The following MBD3 variants were observed in gnomAD, a reference collection of about 807,000 sequenced individuals.
MBD3 encodes the protein methyl-CpG-binding domain protein 3.
In MBD3, 13 loss-of-function variants were observed where a neutral mutation model predicts 31.2. That is an observed-to-expected ratio of 0.42 (90% CI 0.27 to 0.66). MBD3 has a LOEUF of 0.66. Among genes scored for constraint, MBD3 ranks in the 30% least tolerant of loss-of-function variants. The pLI is 0.26. For synonymous variants in MBD3, 223 were observed against 187.4 expected, an observed-to-expected ratio of 1.19 and a Z score of -1.55; for missense variants, 440 against 426.5, an observed-to-expected ratio of 1.03 and a Z score of -0.28.
intron 1 of MBD3, among the ~76,000 whole-genome samples, chr19:1,590,118 C>T (rs1047840366): frequency 2.0e-5 from 3 of 149,156 alleles, no homozygotes; most frequent in African/African-American, 5.0e-5. Flanking sequence ...GCCAACATGG[C>T]GAAACCCCTT....
rs752693057 is a variant in MBD3 at position 1,592,598 on chromosome 19, G to A, written c.34C>T (p.Pro12Ser). 5 of 1,409,688 alleles carry A rather than the reference G, an allele frequency of 3.5e-6. No homozygotes were observed. In the African/African-American group the frequency reaches 6.1e-5, roughly 17 times the overall value. The allele number at this position is 1,409,688 out of a possible 1,614,324, so 87.3% of individuals were successfully genotyped here. ...ACTTCTTCCCTCTCCCAGCCCTGCGGGAGCGCCGGGCACTCCCACCTCTTC... is the reference window on the plus strand; with the variant it reads ...ACTTCTTCCCTCTCCCAGCCCTGCGAGAGCGCCGGGCACTCCCACCTCTTC... ...ERKRWECPALPQGWEREEVPR... is the reference protein window; with the variant it reads ...ERKRWECPALSQGWEREEVPR... Residue 12 changes from proline (P) to serine (S), a missense_variant, in exon 1 of 7, where the codon CCG becomes TCG. By Grantham distance (74) the Pro-to-Ser change is moderately conservative (BLOSUM62 -1). Around this residue, in one of 3 missense-constraint regions of MBD3, gnomAD observed 179 missense variants for 134.7 expected, o/e 1.33. Transcript: ENST00000434436.
At chr19:1,581,000 G>A (rs1917339432) in intron 5 of MBD3, 92 bp downstream of exon 5, 1 of 1,486,204 alleles carries the variant, frequency 6.7e-7, no homozygotes, top group South Asian at 1.2e-5. Context: ...ATCGTGGGGA[G>A]ACGGGAAGCA....
In MBD3 at chr19:1,585,056, T is replaced by C; in HGVS notation, c.269A>G (p.Lys90Arg). ...CACCTGCGTGACGCCACCACTCACCTTGACCTGGTTGGAGGAGTCGTAGCG... is the reference window on the plus strand; with the variant it reads ...CACCTGCGTGACGCCACCACTCACCCTGACCTGGTTGGAGGAGTCGTAGCG... ...RVRYDSSNQV[K>R]GKPDLNTALP... The change falls in exon 2 of 7, where the codon AAG becomes AGG. Residue 90 changes from lysine to arginine, a missense_variant and splice_region_variant. Lys to Arg is a conservative substitution (Grantham distance 26, BLOSUM62 2). This residue lies in a region of MBD3 where 179 missense variants were observed against 134.7 expected (regional missense o/e 1.33). Coordinates refer to ENST00000434436, the MANE Select transcript of MBD3 (RefSeq NM_001281453.2). This position sits in a 1 kb window ranked among gnomAD's most constrained non-coding sequence, Gnocchi z 4.1. The C allele has an allele frequency of 2.5e-6, 4 of 1,611,548 alleles. No individual in the cohort carries two copies. The highest frequency in any genetic ancestry group is 3.4e-6 in the Non-Finnish European group (4 of 1,179,278).
chr19:1,581,642 G>A (rs968929931), intron 4 of MBD3: 1 of 358,400 alleles, frequency 2.8e-6, no homozygotes, highest in Non-Finnish European at 5.4e-6. Context: ...CTACTCAGGA[G>A]GCTGTGCTGA....
intron 3 of MBD3, among the ~76,000 whole-genome samples, chr19:1,583,966 C>T (rs576888654): frequency 3.3e-5 from 5 of 152,032 alleles, no homozygotes; most frequent in East Asian, 1.9e-4. Flanking sequence ...GGATTACAGG[C>T]GCACACCACC....
rs2060676747 is a variant in MBD3, at chr19:1,585,834, C to T, written c.111-620G>A. On this transcript the variant is annotated intron_variant, in intron 1 of 6. Coordinates refer to ENST00000434436, the MANE Select transcript of MBD3 (RefSeq NM_001281453.2). The surrounding 1 kb of genome is among the most constrained non-coding windows in gnomAD (Gnocchi z 4.1). ...GGGGTCTCGTTCTAAGATCTGGGGC[C>T]AGGCCCTAACAGCTGCTTGGGCATA... is the stretch of plus-strand genomic sequence containing the variant. The T allele has an allele frequency of 6.4e-6, 1 of 155,354 alleles. No homozygotes were observed. The highest frequency in any genetic ancestry group is 1.4e-5 in the Non-Finnish European group (1 of 70,112). The allele number at this position is 155,354 out of a possible 1,614,324, so 9.6% of individuals were successfully genotyped here. A position where few individuals can be genotyped will look rare whatever the true frequency, so the allele number is the denominator to read the frequency against.
chr19:1,592,379 GCACACGCACGCAAGACGCA>G (rs1423711007), intron 1 of MBD3, 124 bp downstream of exon 1: 5 of 192,774 alleles, frequency 2.6e-5, no homozygotes, highest in Non-Finnish European at 4.1e-5. Flanking sequence ...CGCGCCGGGC[GCACACGCACGCAAGACGCA>G]CGCACGCACG....
intron 5 of MBD3, among the ~76,000 whole-genome samples, chr19:1,580,251 C>A (rs575817482): frequency 1.3e-5 from 2 of 152,170 alleles, no homozygotes; most frequent in Non-Finnish European, 2.9e-5. Flanking sequence ...AGGAGGATGC[C>A]GCCAGCCGCT....
At chr19:1,579,181 CAAAAAAAAAAAAAAAAA>C (rs57070800) in intron 5 of MBD3, among the ~76,000 whole-genome samples, 1 of 21,496 alleles carries the variant, frequency 4.7e-5, no homozygotes, top group African/African-American at 2.0e-4. Context: ...CAGATTCTGC[CAAAAAAAAAAAAAAAAA>C]AAAAAAAAAA....
chr19:1,592,170 G>C (rs574992170), intron 1 of MBD3: 41 of 152,470 alleles, frequency 2.7e-4, no homozygotes, highest in African/African-American at 8.4e-4. Context: ...GCCCCAAGAA[G>C]GCACCCCCTG....
At chr19:1,589,379 G>A (rs1354814250) in intron 1 of MBD3, among the ~76,000 whole-genome samples, 4 of 146,438 alleles carry the variant, frequency 2.7e-5, no homozygotes, top group African/African-American at 7.5e-5. Context: ...GAAGGCAGGC[G>A]CAGTGGCTTT....
In MBD3 at chr19:1,588,799, A is replaced by AAAAT. The variant is rs1194111001; in HGVS notation, c.111-3586_111-3585insATTT. On this transcript the variant is annotated intron_variant, in intron 1 of 6. Transcript: ENST00000434436. ...GTCTCCAAAAAAAAAAAAAAAAAAA[A>AAAAT]AAGGTGTAAGGCGAACAAGAGACAC... Among the ~76,000 whole-genome samples, 104 of 151,360 alleles carry AAAAT rather than the reference A, an allele frequency of 6.9e-4. 1 individual carries two copies. Among genetic ancestry groups the AAAAT allele is most frequent in the African/African-American group, 2.4e-3 (100 of 41,204 alleles).
chr19:1,586,997 G>A (rs1251410243), intron 1 of MBD3, among the ~76,000 whole-genome samples: 91 of 140,652 alleles, frequency 6.5e-4, no homozygotes, highest in Non-Finnish European at 1.1e-3. Context: ...ACGGAGTCTC[G>A]CTCTGTCACC....
At position 1,584,419 on chromosome 19, in the gene MBD3, G is replaced by C. The variant is rs1005763494; in HGVS notation, c.408+121C>G. 5.2e-5 allele frequency: 75 copies of C among 1,454,034 alleles called. No individual in the cohort carries two copies. In the Admixed American group the frequency reaches 1.2e-3, roughly 24 times the overall value. 90.1% of individuals were successfully genotyped at this position (1,454,034 alleles called of 1,614,324 possible). A position where few individuals can be genotyped will look rare whatever the true frequency, so the allele number is the denominator to read the frequency against. Reference sequence around the variant, plus strand: ...GTTTTTTGCCTCGTCATGTTGCCCAGGCTAGCCTGGAACTCCTGCGCTCAC... The same window carrying C: ...GTTTTTTGCCTCGTCATGTTGCCCACGCTAGCCTGGAACTCCTGCGCTCAC... On this transcript the variant is annotated intron_variant, in intron 3 of 6. Coordinates refer to ENST00000434436, the MANE Select transcript of MBD3 (RefSeq NM_001281453.2).
Position 1,584,681 on chromosome 19 carries a change from C to T in MBD3, c.271-4G>A, listed in dbSNP as rs755052894. The T allele has an allele frequency of 3.1e-5, 50 of 1,610,202 alleles. No homozygotes were observed. The highest frequency in any genetic ancestry group is 4.2e-5 in the Non-Finnish European group (49 of 1,179,468). On this transcript the variant is annotated splice_region_variant and splice_polypyrimidine_tract_variant and intron_variant, in intron 2 of 6. Coordinates refer to ENST00000434436, the MANE Select transcript of MBD3 (RefSeq NM_001281453.2). ...CCGTGTTCAGGTCGGGCTTGCCCTG[C>T]GGGAGGAAGGATATGCAGTCCGGCC...
chr19:1,582,800 G>T (rs1243756936), intron 3 of MBD3, 88 bp from the exon 4 acceptor site: 17 of 1,194,634 alleles, frequency 1.4e-5, no homozygotes, highest in Admixed American at 2.0e-5. Context: ...GGCCCACCTG[G>T]CCTCCTTGCC....
chr19:1,583,123 G>C (rs1015560719), intron 3 of MBD3: 3 of 219,730 alleles, frequency 1.4e-5, no homozygotes, highest in African/African-American at 6.9e-5. Flanking sequence ...AGAATCACTT[G>C]AACCCAGGAA....
intron 2 of MBD3, 95 bp from the exon 3 acceptor site, chr19:1,584,772 GCGCCCCTCGTGTCCCC>G (rs1029905074): frequency 2.0e-5 from 26 of 1,333,148 alleles, no homozygotes; most frequent in Non-Finnish European, 2.5e-5. Context: ...TGCTTTGCCG[GCGCCCCTCGTGTCCCC>G]CGCGCCCGCC....
At chr19:1,589,997 A>T (rs2060696488) in intron 1 of MBD3, among the ~76,000 whole-genome samples, 1 of 152,154 alleles carries the variant, frequency 6.6e-6, no homozygotes, top group African/African-American at 2.4e-5. Flanking sequence ...TGGTTGCACA[A>T]CTTTGTCAAT....
Sources: gnomAD v4.1 joint callset for allele counts (sites outside exome capture counted in the v4.1 genomes callset) on GRCh38, gnomAD v4.1.1 for gene constraint, gnomAD v4.1.1 regional missense constraint, Gnocchi (gnomAD v3.1) non-coding constraint, MANE v1.5 for transcripts, NCBI Gene and HGNC (gene_info 2026-07-23, HGNC 2026-07-21) for gene names.